The following SMIM35 variants were observed in gnomAD, a reference collection of about 807,000 sequenced individuals.
SMIM35 encodes small integral membrane protein 35.
chr11:118,077,016 T>A, intron 1 of SMIM35: 1 of 437,158 alleles, frequency 2.3e-6, no homozygotes, highest in African/African-American at 2.1e-5. Flanking sequence ...CACATAATCA[T>A]TCCAGTTTGG....
chr11:118,020,243 G>A (rs1378016348), intron 1 of SMIM35, among the ~76,000 whole-genome samples: 1 of 152,198 alleles, frequency 6.6e-6, no homozygotes, highest in East Asian at 1.9e-4. Context: ...TCCAGCCTGG[G>A]TGAGAGAGCG....
At chr11:118,075,144 A>G (rs1944640147) in intron 1 of SMIM35, among the ~76,000 whole-genome samples, 1 of 152,266 alleles carries the variant, frequency 6.6e-6, no homozygotes, top group Non-Finnish European at 1.5e-5. Flanking sequence ...CCAGTGGCCC[A>G]CTGGCTTCTC....
chr11:118,049,506 G>A (rs11605957), intron 1 of SMIM35, among the ~76,000 whole-genome samples: 4,678 of 151,256 alleles, frequency 0.031, 211 homozygotes, highest in African/African-American at 0.1. Flanking sequence ...ACACCACCAC[G>A]CCCGGCTAAT....
chr11:118,043,589 A>G (rs1786179), intron 1 of SMIM35, among the ~76,000 whole-genome samples: 3 of 151,372 alleles, frequency 2.0e-5, no homozygotes, highest in Non-Finnish European at 2.9e-5. Context: ...GGCGGGCCGA[A>G]CACGAGGTCA....
At chr11:118,081,383 G>A (rs994524660) in intron 1 of SMIM35, among the ~76,000 whole-genome samples, 3 of 152,134 alleles carry the variant, frequency 2.0e-5, no homozygotes, top group Non-Finnish European at 2.9e-5. Flanking sequence ...CACGTCTAAC[G>A]CCACCTCCCA....
intron 1 of SMIM35, among the ~76,000 whole-genome samples, chr11:118,034,318 T>C (rs909211187): frequency 1.9e-4 from 29 of 152,264 alleles, no homozygotes; most frequent in Admixed American, 1.9e-3. Context: ...ATAATACATG[T>C]CTACTACAAA....
chr11:118,049,283 C>T (rs575842111), intron 1 of SMIM35, among the ~76,000 whole-genome samples: 10 of 151,622 alleles, frequency 6.6e-5, no homozygotes, highest in African/African-American at 1.5e-4. Flanking sequence ...ACCCCAGAAC[C>T]GTCTGTGAGT....
chr11:118,006,959 T>A (rs909896849), intron 4 of SMIM35, among the ~76,000 whole-genome samples: 1 of 152,216 alleles, frequency 6.6e-6, no homozygotes, highest in African/African-American at 2.4e-5. Flanking sequence ...CAAACATTCA[T>A]TGAGCCTCTG....
chr11:118,046,954 T>C (rs1346093193), intron 1 of SMIM35, among the ~76,000 whole-genome samples: 1 of 152,244 alleles, frequency 6.6e-6, no homozygotes, highest in Non-Finnish European at 1.5e-5. Context: ...AAATGTATTG[T>C]TTTGAGTAAA....
At chr11:118,067,894 T>C (rs1250307886) in intron 1 of SMIM35, among the ~76,000 whole-genome samples, 1 of 131,412 alleles carries the variant, frequency 7.6e-6, no homozygotes, top group Non-Finnish European at 1.6e-5. Flanking sequence ...TATATATATA[T>C]ATATATATAT....
intron 1 of SMIM35, among the ~76,000 whole-genome samples, chr11:118,027,369 A>G (rs12223288): frequency 0.095 from 14,386 of 151,604 alleles, 948 homozygotes; most frequent in East Asian, 0.36. Flanking sequence ...TTTAGACTAC[A>G]TTATTATTGC....
rs2058169969 is a variant in SMIM35, at chr11:118,014,729, AC to A, written c.136del (p.Val46SerfsTer10). 2.5e-6 allele frequency: 1 copy of A among 398,976 alleles called. No individual in the cohort carries two copies. Among genetic ancestry groups the A allele is most frequent in the East Asian group, 3.6e-5 (1 of 28,078 alleles). The allele number at this position is 398,976 out of a possible 1,614,324, so 24.7% of individuals were successfully genotyped here. Reference sequence around the variant, plus strand: ...TCACCGGATTTGATATAAGTTGAAGACAAAATTAGGCCCTAGGAAGACAATC... The same window carrying A: ...TCACCGGATTTGATATAAGTTGAAGAAAAATTAGGCCCTAGGAAGACAATC... ...RGYCWEGPNF[V>X]FNLYQIRNLK... On this transcript the variant is annotated frameshift_variant, in exon 3 of 5. Coordinates refer to ENST00000689828, the MANE Select transcript of SMIM35 (RefSeq NM_001394165.1). LOFTEE classifies it high-confidence loss of function.
chr11:118,062,474 A>G (rs1335251947), intron 1 of SMIM35, among the ~76,000 whole-genome samples: 2 of 152,228 alleles, frequency 1.3e-5, no homozygotes, highest in Non-Finnish European at 2.9e-5. Flanking sequence ...TCCCGGCCAA[A>G]GCAAAGGTGA....
At chr11:118,032,365 G>A (rs527620042) in intron 1 of SMIM35, among the ~76,000 whole-genome samples, 4 of 152,168 alleles carry the variant, frequency 2.6e-5, no homozygotes, top group South Asian at 2.1e-4. Flanking sequence ...AGAGTAATAC[G>A]AATAATTATA....
chr11:118,065,410 G>C (rs1212890415), intron 1 of SMIM35, among the ~76,000 whole-genome samples: 1 of 152,212 alleles, frequency 6.6e-6, no homozygotes, highest in East Asian at 1.9e-4. Flanking sequence ...CCTGGAGGCA[G>C]GGAACCTAAG....
intron 1 of SMIM35, among the ~76,000 whole-genome samples, chr11:118,056,566 C>G (rs772627655): frequency 2.0e-5 from 3 of 152,094 alleles, no homozygotes; most frequent in Admixed American, 6.5e-5. Flanking sequence ...TCAGGAGGGT[C>G]CCCTGGACCA....
At chr11:118,029,545 G>C (rs2058301213) in intron 1 of SMIM35, 1 of 423,846 alleles carries the variant, frequency 2.4e-6, no homozygotes, top group African/African-American at 2.0e-5. Context: ...GCAATAGAGA[G>C]AGGCTACAAG....
At chr11:118,007,504 C>A (rs910490677) in intron 4 of SMIM35, among the ~76,000 whole-genome samples, 11 of 152,036 alleles carry the variant, frequency 7.2e-5, no homozygotes, top group Admixed American at 1.3e-4. Context: ...CAAGAGATTC[C>A]CCTGCCTCAG....
chr11:118,062,654 C>T (rs555756404), intron 1 of SMIM35, among the ~76,000 whole-genome samples: 5 of 152,140 alleles, frequency 3.3e-5, no homozygotes, highest in Admixed American at 2.6e-4. Flanking sequence ...CTGGCCCTCC[C>T]TCCACACCCC....
Sources: gnomAD v4.1 joint callset for allele counts (sites outside exome capture counted in the v4.1 genomes callset) on GRCh38, gnomAD v4.1.1 for gene constraint, MANE v1.5 for transcripts, NCBI Gene and HGNC (gene_info 2026-07-23, HGNC 2026-07-21) for gene names.